Variants in EEPD1 observed in about 807,000 individuals in gnomAD.
EEPD1 encodes endonuclease/exonuclease/phosphatase family domain containing 1, also known as endonuclease/exonuclease/phosphatase family domain-containing protein 1.
A neutral mutation model predicts 46.3 loss-of-function variants in EEPD1; 17 were observed. The observed-to-expected ratio is 0.37, with a 90% confidence interval of 0.25 to 0.55. The LOEUF (loss-of-function observed/expected upper bound fraction) is 0.55. Ranked by LOEUF, EEPD1 falls within the 20% of genes least tolerant of loss-of-function variation. The pLI is 0.83. For synonymous variants in EEPD1, 313 were observed against 315.6 expected, an observed-to-expected ratio of 0.99 and a Z score of 0.09; for missense variants, 673 against 745.6, an observed-to-expected ratio of 0.90 and a Z score of 1.13.
At chr7:36,278,138 A>G (rs1268499859) in intron 3 of EEPD1, among the ~76,000 whole-genome samples, 2 of 152,166 alleles carry the variant, frequency 1.3e-5, no homozygotes, top group Non-Finnish European at 2.9e-5. Context: ...CATTTTGAAC[A>G]CATTCCCAGG....
chr7:36,178,698 T>G (rs1399329475), intron 2 of EEPD1, among the ~76,000 whole-genome samples: 1 of 152,190 alleles, frequency 6.6e-6, no homozygotes, highest in Non-Finnish European at 1.5e-5. Context: ...CATGAACACC[T>G]GTGCACCATC....
In EEPD1 at chr7:36,160,671, G is replaced by A. The variant is rs540713320; in HGVS notation, c.878+5469G>A. The stretch of plus-strand genomic sequence containing the variant: ...TTACCAGATAGTCTGACTGCTGGGA[G>A]GTGGTGGGGGGCGGGGCGTGCATGG... On this transcript the variant is annotated intron_variant, in intron 2 of 7. Coordinates refer to ENST00000242108, the MANE Select transcript of EEPD1 (RefSeq NM_030636.3). Among the ~76,000 whole-genome samples the A allele has an allele frequency of 2.5e-5, 3 of 119,448 alleles. No homozygotes were observed. In the South Asian group the frequency reaches 7.9e-4, roughly 31 times the overall value. The allele number at this position is 119,448 out of a possible 152,430, so 78.4% of individuals were successfully genotyped here.
rs575375701 is a variant in EEPD1 at position 36,222,506 on chromosome 7, A to G, written c.879-16479A>G. On this transcript the variant is annotated intron_variant, in intron 2 of 7. Transcript: ENST00000242108. ...TTGTTCAAGGGTGAACTGTATATAT[A>G]ACAGAAATATTGCACATTATATAAT... 7.2e-5 allele frequency among the ~76,000 whole-genome samples: 11 copies of G among 152,324 alleles called. No individual in the cohort carries two copies. In the South Asian group the frequency reaches 8.3e-4, roughly 11 times the overall value.
At chr7:36,230,485 G>A (rs1026849809) in intron 2 of EEPD1, among the ~76,000 whole-genome samples, 2 of 152,022 alleles carry the variant, frequency 1.3e-5, no homozygotes, top group African/African-American at 2.4e-5. Context: ...GCCTCCCCAT[G>A]TCCATGGTCA....
In EEPD1 at chr7:36,271,720, C is replaced by CTTCTAGGGTTCTT. The variant is rs60503175; in HGVS notation, c.931-9395_931-9394insTTCTAGGGTTCTT. 3.6e-5 allele frequency among the ~76,000 whole-genome samples: 2 copies of CTTCTAGGGTTCTT among 55,332 alleles called. 1 individual carries two copies. The highest frequency in any genetic ancestry group is 8.0e-5 in the Non-Finnish European group (2 of 25,002). The allele number at this position is 55,332 out of a possible 152,430, so 36.3% of individuals were successfully genotyped here. On this transcript the variant is annotated intron_variant, in intron 3 of 7. Coordinates refer to ENST00000242108, the MANE Select transcript of EEPD1 (RefSeq NM_030636.3). ...TCCTGAATGGTATTGCCTAGGTTTT[C>CTTCTAGGGTTCTT]ATGGTTTTAGGTTTTACATTTAAGT...
At chr7:36,270,809 G>T (rs36144086) in intron 3 of EEPD1, among the ~76,000 whole-genome samples, 3,258 of 151,926 alleles carry the variant, frequency 0.021, 56 homozygotes, top group Non-Finnish European at 0.032. Context: ...TAATCCTTTG[G>T]GTATATACCC....
chr7:36,203,823 C>T (rs761801694), intron 2 of EEPD1, among the ~76,000 whole-genome samples: 1 of 152,104 alleles, frequency 6.6e-6, no homozygotes, highest in African/African-American at 2.4e-5. Context: ...CAAAGAATCA[C>T]CCATAAATAC....
intron 2 of EEPD1, among the ~76,000 whole-genome samples, chr7:36,173,139 T>C (rs562625431): frequency 6.6e-6 from 1 of 151,674 alleles, no homozygotes; most frequent in Non-Finnish European, 1.5e-5. Flanking sequence ...AGGGACCTGG[T>C]GGGAGGGGTT....
At position 36,177,879 on chromosome 7, in the gene EEPD1, A is replaced by C. The variant is rs117111064; in HGVS notation, c.878+22677A>C. 2.9e-3 allele frequency among the ~76,000 whole-genome samples: 446 copies of C among 152,024 alleles called. 4 individuals are homozygous for C. The highest frequency in any genetic ancestry group is 2.5e-3 in the Non-Finnish European group (169 of 67,974). On this transcript the variant is annotated intron_variant, in intron 2 of 7. Coordinates refer to ENST00000242108, the MANE Select transcript of EEPD1 (RefSeq NM_030636.3). ...CGGGTGCGCACCTCCATGCCCGGCTATGTTTTGCATTTTTAGTAGAGACGG... is the reference window on the plus strand; with the variant it reads ...CGGGTGCGCACCTCCATGCCCGGCTCTGTTTTGCATTTTTAGTAGAGACGG...
At chr7:36,182,681 T>G (rs1785291426) in intron 2 of EEPD1, among the ~76,000 whole-genome samples, 1 of 152,232 alleles carries the variant, frequency 6.6e-6, no homozygotes, top group Admixed American at 6.5e-5. Flanking sequence ...TGCCCAGTAA[T>G]GCACAGCTGG....
Position 36,238,976 on chromosome 7 carries a change from T to G in EEPD1, c.879-9T>G. The stretch of plus-strand genomic sequence containing the variant: ...TTTTCAAGTGTGGTTTTGATTTTTT[T>G]TCTTACAGCATCAAGCTTCTAGCTG... On this transcript the variant is annotated splice_polypyrimidine_tract_variant and intron_variant, in intron 2 of 7. Coordinates refer to ENST00000242108, the MANE Select transcript of EEPD1 (RefSeq NM_030636.3). 6.2e-7 allele frequency: 1 copy of G among 1,604,338 alleles called. No individual in the cohort carries two copies. Among genetic ancestry groups the G allele is most frequent in the Non-Finnish European group, 8.5e-7 (1 of 1,177,874 alleles).
At chr7:36,280,581 T>C (rs1787246079) in intron 3 of EEPD1, among the ~76,000 whole-genome samples, 1 of 152,228 alleles carries the variant, frequency 6.6e-6, no homozygotes, top group Non-Finnish European at 1.5e-5. Context: ...AAGAAGTGCA[T>C]GCCGCGTGCA....
At chr7:36,267,085 C>A (rs1787031289) in intron 3 of EEPD1, among the ~76,000 whole-genome samples, 1 of 152,174 alleles carries the variant, frequency 6.6e-6, no homozygotes, top group Admixed American at 6.5e-5. Context: ...TGGTGCCAAG[C>A]ACATTATCTC....
At chr7:36,169,575 A>G (rs948837717) in intron 2 of EEPD1, among the ~76,000 whole-genome samples, 13 of 152,172 alleles carry the variant, frequency 8.5e-5, no homozygotes, top group African/African-American at 2.9e-4. Flanking sequence ...TCATTTTCAA[A>G]CTTGTTTCTA....
chr7:36,227,163 A>G (rs1786245177), intron 2 of EEPD1, among the ~76,000 whole-genome samples: 1 of 152,166 alleles, frequency 6.6e-6, no homozygotes, highest in African/African-American at 2.4e-5. Context: ...GAAAATCTGA[A>G]TGGATTGGAT....
intron 2 of EEPD1, among the ~76,000 whole-genome samples, chr7:36,231,994 T>G (rs1398953835): frequency 6.6e-6 from 1 of 152,186 alleles, no homozygotes; most frequent in African/African-American, 2.4e-5. Context: ...CCTTAAGGAC[T>G]GCAACTCTCA....
At chr7:36,279,091 AC>A (rs1399834111) in intron 3 of EEPD1, among the ~76,000 whole-genome samples, 1 of 49,790 alleles carries the variant, frequency 2.0e-5, no homozygotes, top group African/African-American at 4.9e-5. Context: ...CACCACCCCG[AC>A]TCCCCCGCAT....
At chr7:36,183,802 ACT>A (rs1785314222) in intron 2 of EEPD1, among the ~76,000 whole-genome samples, 1 of 150,312 alleles carries the variant, frequency 6.7e-6, no homozygotes, top group African/African-American at 2.4e-5. Context: ...GTCCCGCCAG[ACT>A]CTGTATTCTT....
At position 36,299,201 on chromosome 7, in the gene EEPD1, C is replaced by T. The variant is rs201560363; in HGVS notation, c.1705C>T (p.Arg569Ter). ...AAGTGAAGCCAACATCAAGCACGAG[C>T]GATGATGACACCAAATCCATGTGTC... ...ERSEANIKHE[R>*] The change falls in exon 8 of 8, where the codon CGA (arginine) becomes TGA (stop). Residue 569 changes from arginine to a stop codon, truncating the protein, a stop_gained. Transcript: ENST00000242108. LOFTEE classifies it high-confidence loss of function. 3.1e-6 allele frequency: 5 copies of T among 1,613,632 alleles called. No homozygotes were observed. Among genetic ancestry groups the T allele is most frequent in the Non-Finnish European group, 4.2e-6 (5 of 1,179,726 alleles).
Sources: allele counts gnomAD v4.1 joint callset (sites outside exome capture counted in the v4.1 genomes callset), GRCh38; gene constraint gnomAD v4.1.1; transcripts MANE v1.5; gene names NCBI Gene and HGNC (gene_info 2026-07-23, HGNC 2026-07-21).